TARS2: variants seen among roughly 807,000 people sequenced by gnomAD.
TARS2 encodes threonyl-tRNA synthetase 2, mitochondrial.
In TARS2, 61 loss-of-function variants were observed where a neutral mutation model predicts 94.4. The ratio of observed to expected loss-of-function variants is 0.65; its 90% CI spans 0.53 to 0.80. The LOEUF is 0.80. Among genes scored for constraint, TARS2 ranks in the 30% least tolerant of loss-of-function variants. TARS2 has a pLI of 0.00. For missense variants in TARS2, 704 were observed against 902.5 expected (o/e 0.78, Z 2.82); for synonymous variants, 359 against 353.4 (o/e 1.02, Z -0.18).
At chr1:150,506,559 G>A (rs995684502) in intron 17 of TARS2, among the ~76,000 whole-genome samples, 1 of 130,504 alleles carries the variant, frequency 7.7e-6, no homozygotes, top group Non-Finnish European at 1.6e-5. Context: ...TTCTCTGCTT[G>A]ACTCTAATGT....
At chr1:150,492,068 C>A (rs970670119) in intron 6 of TARS2, 4 of 264,074 alleles carry the variant, frequency 1.5e-5, no homozygotes, top group South Asian at 8.6e-5. Flanking sequence ...CGGGTTCAAA[C>A]AATTCTTCTG....
intron 1 of TARS2, 124 bp from the exon 2 acceptor site, chr1:150,487,734 C>A: frequency 7.3e-7 from 1 of 1,372,914 alleles, no homozygotes; most frequent in Non-Finnish European, 1.0e-6. Flanking sequence ...CTTGTATCAC[C>A]CAATCCCCTT....
chr1:150,499,109 G>C, intron 12 of TARS2, 75 bp downstream of exon 12: 1 of 1,611,372 alleles, frequency 6.2e-7, no homozygotes, highest in Non-Finnish European at 8.5e-7. Flanking sequence ...CAGTAATCAA[G>C]GTTCTCAGAG....
At chr1:150,506,834 C>T in intron 17 of TARS2, 82 bp from the exon 18 acceptor site, 2 of 1,575,154 alleles carry the variant, frequency 1.3e-6, no homozygotes, top group Non-Finnish European at 1.7e-6. Context: ...AGATTTAGGT[C>T]TCTCAAGTTT....
chr1:150,488,123 G>T, intron 2 of TARS2, 69 bp downstream of exon 2: 1 of 1,538,058 alleles, frequency 6.5e-7, no homozygotes, highest in East Asian at 2.3e-5. Flanking sequence ...ACTTGAGCAG[G>T]GGAAGAAAAC....
At chr1:150,498,380 C>CTGAG in intron 10 of TARS2, 122 bp from the exon 11 acceptor site, 1 of 1,237,938 alleles carries the variant, frequency 8.1e-7, no homozygotes, top group Non-Finnish European at 1.1e-6. Context: ...GGAGGATGTG[C>CTGAG]TGAGGCTGGA....
rs1669722790 is a variant in TARS2, at chr1:150,497,630, A to G, written c.1121A>G (p.Asp374Gly). Reference protein sequence around the residue: ...QSGHWEHYQEDMFAVQPPGSD... With the variant: ...QSGHWEHYQEGMFAVQPPGSD... The stretch of plus-strand genomic sequence containing the variant: ...GGGCACTGGGAGCATTATCAGGAAG[A>G]CATGTTTGCCGTGCAGCCCCCAGGC... The change falls in exon 10 of 18, where the codon GAC becomes GGC. Residue 374 changes from aspartate to glycine, a missense_variant. By Grantham distance (94) the Asp-to-Gly change is moderately conservative. Around this residue, in one of 3 missense-constraint regions of TARS2, gnomAD observed 466 missense variants for 609.5 expected, o/e 0.76. Transcript: ENST00000369064. 1 of 1,614,166 alleles carries G rather than the reference A, an allele frequency of 6.2e-7. No homozygotes were observed. The highest frequency in any genetic ancestry group is 1.1e-5 in the South Asian group (1 of 91,084).
At chr1:150,500,971 G>T (rs982917898) in intron 13 of TARS2, among the ~76,000 whole-genome samples, 10 of 152,174 alleles carry the variant, frequency 6.6e-5, no homozygotes, top group African/African-American at 2.4e-4. Flanking sequence ...CATTGCCATT[G>T]TATCCAGGGT....
chr1:150,506,782 T>C, intron 17 of TARS2, 134 bp from the exon 18 acceptor site: 1 of 1,206,048 alleles, frequency 8.3e-7, no homozygotes, highest in Non-Finnish European at 1.2e-6. Context: ...GAATACTTCC[T>C]TTCTGTGAAC....
rs772339783 is a variant in TARS2, at chr1:150,497,649, C to G, written c.1140C>G (p.Pro380=). The part of the protein sequence containing the change: ...HYQEDMFAVQ[P]PGSDRPPSSQ... ...AGGAAGACATGTTTGCCGTGCAGCC[C>G]CCAGGCTCTGACAGGCCTCCCAGCT... The change falls in exon 10 of 18, where the codon CCC becomes CCG. Residue 380 remains proline (P), a synonymous_variant. Transcript: ENST00000369064. 2 of 1,614,162 alleles carry G rather than the reference C, an allele frequency of 1.2e-6. No homozygotes were observed. The highest frequency in any genetic ancestry group is 1.1e-5 in the South Asian group (1 of 91,086).
chr1:150,496,135 G>A (rs1669655663), intron 7 of TARS2, among the ~76,000 whole-genome samples: 1 of 152,188 alleles, frequency 6.6e-6, no homozygotes, highest in Non-Finnish European at 1.5e-5. Flanking sequence ...ATTGATAAAT[G>A]GAGGAATAGA....
chr1:150,489,133 G>C, intron 3 of TARS2, 46 bp downstream of exon 3: 2 of 1,613,052 alleles, frequency 1.2e-6, no homozygotes, highest in Non-Finnish European at 1.7e-6. Context: ...TAAACCAAGA[G>C]ATATTGAAGC....
chr1:150,499,131 G>A, intron 12 of TARS2, 85 bp from the exon 13 acceptor site: 2 of 1,609,712 alleles, frequency 1.2e-6, no homozygotes, highest in Admixed American at 1.7e-5. Context: ...CATCTGGTGA[G>A]TGGGTCATTT....
At chr1:150,502,230 GT>G (rs57189623) in intron 13 of TARS2, among the ~76,000 whole-genome samples, 1 of 150,600 alleles carries the variant, frequency 6.6e-6, no homozygotes, top group African/African-American at 2.4e-5. Flanking sequence ...TTTCGTTTTT[GT>G]TTTTTTCCCC....
At position 150,490,708 on chromosome 1, in the gene TARS2, C is replaced by A; in HGVS notation, c.495C>A (p.Phe165Leu). The stretch of plus-strand genomic sequence containing the variant: ...CAGAATATGGCTTTTACCATGATTT[C>A]TTCCTGGGAAAGGAGAGGTGAGTAA... ...PSTEYGFYHD[F>L]FLGKERTIRG... Residue 165 changes from phenylalanine to leucine, a missense_variant, in exon 4 of 18, where the codon TTC becomes TTA. By Grantham distance (22) the Phe-to-Leu change is conservative (BLOSUM62 0). Coordinates refer to ENST00000369064, the MANE Select transcript of TARS2 (RefSeq NM_025150.5). 2 of 1,613,676 alleles carry A rather than the reference C, an allele frequency of 1.2e-6. No individual in the cohort carries two copies. Among genetic ancestry groups the A allele is most frequent in the Non-Finnish European group, 1.7e-6 (2 of 1,179,958 alleles).
chr1:150,488,184 ATTTTGT>A (rs1669233924), intron 2 of TARS2, 130 bp downstream of exon 2: 1 of 1,146,800 alleles, frequency 8.7e-7, no homozygotes, highest in African/African-American at 1.6e-5. Context: ...TTTCCTGAAG[ATTTTGT>A]TTTTGTTTTT....
chr1:150,501,329 TTTTA>T (rs1380009197), intron 13 of TARS2, among the ~76,000 whole-genome samples: 13 of 119,674 alleles, frequency 1.1e-4, no homozygotes, highest in East Asian at 4.3e-4. Flanking sequence ...TTTTTTTTTT[TTTTA>T]TTGAGACTAT....
Position 150,487,842 on chromosome 1 carries a change from A to G in TARS2, c.67-16A>G, listed in dbSNP as rs1352646773. ...GATGGGACGTGTGTTACCTGCTAAT[A>G]TATCTTTCCCTCCAGGCAGTTGTGT... On this transcript the variant is annotated splice_polypyrimidine_tract_variant and intron_variant, in intron 1 of 17. Transcript: ENST00000369064. 1.2e-6 allele frequency: 2 copies of G among 1,609,334 alleles called. No individual in the cohort carries two copies. Among genetic ancestry groups the G allele is most frequent in the Non-Finnish European group, 1.7e-6 (2 of 1,178,250 alleles).
In TARS2 at chr1:150,497,467, T is replaced by G. The variant is rs587625622; in HGVS notation, c.1021-63T>G. 1.3e-4 allele frequency: 204 copies of G among 1,521,262 alleles called. 1 individual carries two copies. In the African/African-American group the frequency reaches 2.3e-3, roughly 17 times the overall value. The allele number at this position is 1,521,262 out of a possible 1,614,324, so 94.2% of individuals were successfully genotyped here. A position where few individuals can be genotyped will look rare whatever the true frequency, so the allele number is the denominator to read the frequency against. On this transcript the variant is annotated intron_variant, in intron 9 of 17. Coordinates refer to ENST00000369064, the MANE Select transcript of TARS2 (RefSeq NM_025150.5). ...TGAGGGCCCAGGAAGATCACACAGC[T>G]GACACCCTACCTGCTTTCCTTCCAG...
Sources: allele counts gnomAD v4.1 joint callset (sites outside exome capture counted in the v4.1 genomes callset), GRCh38; gene constraint gnomAD v4.1.1; regional missense constraint gnomAD v4.1.1; transcripts MANE v1.5; gene names NCBI Gene and HGNC (gene_info 2026-07-23, HGNC 2026-07-21).